Variants in ITGAL observed in about 807,000 individuals in gnomAD.
ITGAL encodes integrin alpha-L.
A neutral mutation model predicts 138.4 loss-of-function variants in ITGAL; 68 were observed. The ratio of observed to expected loss-of-function variants is 0.49; its 90% CI spans 0.40 to 0.60. ITGAL has a LOEUF of 0.60. Ranked by LOEUF, ITGAL falls within the 20% of genes least tolerant of loss-of-function variation. The probability of loss-of-function intolerance (pLI) is 0.00; values close to 1 mark genes in which losing one functional copy is unlikely to be tolerated. For synonymous variants in ITGAL, 561 were observed against 584.3 expected, an observed-to-expected ratio of 0.96 and a Z score of 0.57; for missense variants, 1,256 against 1,478.6, an observed-to-expected ratio of 0.85 and a Z score of 2.47.
intron 13 of ITGAL, among the ~76,000 whole-genome samples, chr16:30,495,079 C>G (rs976966682): frequency 6.6e-6 from 1 of 152,174 alleles, no homozygotes; most frequent in African/African-American, 2.4e-5. Flanking sequence ...GGCTAGAGTG[C>G]AGTGGCACGA....
chr16:30,516,647 G>A (rs1480973576), intron 25 of ITGAL, among the ~76,000 whole-genome samples: 6 of 152,170 alleles, frequency 3.9e-5, no homozygotes, highest in East Asian at 1.9e-4. Context: ...TGCTGGGGAC[G>A]CAGAGCACAC....
At chr16:30,479,506 T>G (rs1314071584) in intron 6 of ITGAL, 45 bp downstream of exon 6, 3 of 1,581,576 alleles carry the variant, frequency 1.9e-6, no homozygotes, top group Non-Finnish European at 2.6e-6. Flanking sequence ...AATAGATGCC[T>G]ACCTGAACTG....
chr16:30,472,943 A>G, intron 1 of ITGAL, 45 bp downstream of exon 1: 1 of 1,569,486 alleles, frequency 6.4e-7, no homozygotes, highest in East Asian at 2.2e-5. Flanking sequence ...GTCTGTGACC[A>G]GAGAAACTGC....
rs1021747876 is a variant in ITGAL, at chr16:30,517,488, G to T, written c.2977-161G>T. Reference sequence around the variant, plus strand: ...AAGAAAAAAAAATCAAGGGGGCAAGGCTGGGTGTATGGAGAGTAAGGATGG... The same window carrying T: ...AAGAAAAAAAAATCAAGGGGGCAAGTCTGGGTGTATGGAGAGTAAGGATGG... On this transcript the variant is annotated intron_variant, in intron 26 of 30. Transcript: ENST00000356798. 6.6e-5 allele frequency among the ~76,000 whole-genome samples: 10 copies of T among 152,220 alleles called. No individual in the cohort carries two copies. In the East Asian group the frequency reaches 1.4e-3, roughly 21 times the overall value.
Position 30,472,961 on chromosome 16 carries a change from G to T in ITGAL, c.61+63G>T, listed in dbSNP as rs2050415433. ...TGTGACCAGAGAAACTGCAGGGCTT[G>T]GTGCAGCTGGAGTAAACAAGGAGCT... On this transcript the variant is annotated intron_variant, in intron 1 of 30. Transcript: ENST00000356798. The T allele has an allele frequency of 8.7e-6, 13 of 1,493,090 alleles. No homozygotes were observed. In the East Asian group the frequency reaches 3.0e-4, roughly 34 times the overall value. 92.5% of individuals were successfully genotyped at this position (1,493,090 alleles called of 1,614,324 possible).
intron 20 of ITGAL, among the ~76,000 whole-genome samples, chr16:30,506,470 A>G (rs2050998440): frequency 7.0e-6 from 1 of 141,858 alleles, no homozygotes; most frequent in Non-Finnish European, 1.5e-5. Flanking sequence ...GAGGCAGGAG[A>G]ATGGCGTGAA....
intron 24 of ITGAL, among the ~76,000 whole-genome samples, chr16:30,512,458 G>A (rs1308505158): frequency 6.6e-6 from 1 of 151,674 alleles, no homozygotes; most frequent in Non-Finnish European, 1.5e-5. Flanking sequence ...GTTGTGGCAG[G>A]CACCTATAAT....
intron 4 of ITGAL, chr16:30,477,415 T>C (rs1221532620): frequency 6.6e-6 from 1 of 151,750 alleles, no homozygotes; most frequent in Non-Finnish European, 1.5e-5. Context: ...TAGCTGGGCA[T>C]GGTGGCACAC....
chr16:30,497,954 TAATA>T (rs1391315214), intron 15 of ITGAL, among the ~76,000 whole-genome samples: 1 of 149,674 alleles, frequency 6.7e-6, no homozygotes, highest in Non-Finnish European at 1.5e-5. Context: ...CACAAAAAAA[TAATA>T]AATAGGCCGG....
At chr16:30,512,701 A>G (rs918525860) in intron 24 of ITGAL, among the ~76,000 whole-genome samples, 5 of 151,666 alleles carry the variant, frequency 3.3e-5, no homozygotes, top group Non-Finnish European at 4.4e-5. Context: ...TGCTTTTTAA[A>G]TTTTTTTTAT....
Position 30,494,184 on chromosome 16 carries a change from A to C in ITGAL, c.1214-28A>C. ...TGTTCTTCCAGCATCCTGTGTTCCT[A>C]ACTCCACACCCCACACACTTTCCTC... On this transcript the variant is annotated intron_variant, in intron 11 of 30. Transcript: ENST00000356798. The surrounding 1 kb of genome is among the most constrained non-coding windows in gnomAD (Gnocchi z 4.2). 6.4e-7 allele frequency: 1 copy of C among 1,551,222 alleles called. No homozygotes were observed. The highest frequency in any genetic ancestry group is 8.8e-7 in the Non-Finnish European group (1 of 1,137,636).
rs780551450 is a variant in ITGAL, at chr16:30,479,213, G to C, written c.445+5G>C. 1.9e-5 allele frequency: 31 copies of C among 1,613,918 alleles called. No individual in the cohort carries two copies. Among genetic ancestry groups the C allele is most frequent in the Non-Finnish European group, 2.5e-5 (29 of 1,179,866 alleles). ...AGGGGCGCCCTGGTTTTCAGGGTAA[G>C]GAACTGGGGACTCATTGGGTAAAAA... On this transcript the variant is annotated splice_donor_5th_base_variant and intron_variant, in intron 5 of 30. Transcript: ENST00000356798.
At chr16:30,517,207 T>C (rs1418566816) in intron 26 of ITGAL, 121 bp downstream of exon 26, 5 of 672,718 alleles carry the variant, frequency 7.4e-6, no homozygotes, top group Non-Finnish European at 1.3e-5. Context: ...ATCCCAGCAC[T>C]TTGGGAGGCT....
chr16:30,479,452 T>TTC lies in ITGAL; in HGVS notation c.568_569dup (p.Tyr191ArgfsTer32). On this transcript the variant is annotated frameshift_variant, in exon 6 of 31. Transcript: ENST00000356798. LOFTEE classifies it high-confidence loss of function. The stretch of plus-strand genomic sequence containing the variant: ...ATGTGATGAAGAAACTCAGCAACAC[T>TTC]TCGTACCAGGTAAAAAAGTTAGTTA... 1 of 1,614,018 alleles carries TTC rather than the reference T, an allele frequency of 6.2e-7. No individual in the cohort carries two copies. The highest frequency in any genetic ancestry group is 8.5e-7 in the Non-Finnish European group (1 of 1,179,984).
At chr16:30,474,142 A>C (rs1473480913) in intron 1 of ITGAL, 54 bp from the exon 2 acceptor site, 1 of 1,344,396 alleles carries the variant, frequency 7.4e-7, no homozygotes, top group Non-Finnish European at 1.0e-6. Flanking sequence ...CCTGCTGGGC[A>C]CGTGCAGGGG....
rs747154556 is a variant in ITGAL at position 30,475,291 on chromosome 16, G to A, written c.165-15G>A. On this transcript the variant is annotated splice_polypyrimidine_tract_variant and intron_variant, in intron 2 of 30. Transcript: ENST00000356798. ...ATCTGGGCCACTCCCTCTCACAGGT[G>A]AGATTTCTCACCAGGGTCATCGTGG... 5 of 1,603,644 alleles carry A rather than the reference G, an allele frequency of 3.1e-6. No homozygotes were observed. Among genetic ancestry groups the A allele is most frequent in the Admixed American group, 1.7e-5 (1 of 59,734 alleles).
At chr16:30,508,709 A>T (rs2051042960) in intron 21 of ITGAL, among the ~76,000 whole-genome samples, 1 of 151,928 alleles carries the variant, frequency 6.6e-6, no homozygotes, top group African/African-American at 2.4e-5. Context: ...AAAATTAAAT[A>T]ATTAGCCAGG....
At chr16:30,513,136 G>A (rs372509761) in intron 24 of ITGAL, among the ~76,000 whole-genome samples, 39 of 152,234 alleles carry the variant, frequency 2.6e-4, no homozygotes, top group East Asian at 2.3e-3. Context: ...TCTGGAGGAT[G>A]AGGCCATTAG....
At chr16:30,507,950 C>A (rs1393662071) in intron 21 of ITGAL, among the ~76,000 whole-genome samples, 1 of 151,798 alleles carries the variant, frequency 6.6e-6, no homozygotes, top group East Asian at 1.9e-4. Context: ...GCTCTGTCAC[C>A]CAGGCTGGAG....
Sources: gnomAD v4.1 joint callset for allele counts (sites outside exome capture counted in the v4.1 genomes callset) on GRCh38, gnomAD v4.1.1 for gene constraint, Gnocchi (gnomAD v3.1) non-coding constraint, MANE v1.5 for transcripts, NCBI Gene and HGNC (gene_info 2026-07-23, HGNC 2026-07-21) for gene names.